MVB12B: variants seen among roughly 807,000 people sequenced by gnomAD.
MVB12B encodes the protein multivesicular body subunit 12B, also known as ESCRT-I complex subunit MVB12B.
Under a neutral mutation model 41.6 loss-of-function variants are expected in MVB12B, and 16 were observed. The observed-to-expected ratio is 0.38, with a 90% CI of 0.26 to 0.58. The LOEUF (loss-of-function observed/expected upper bound fraction) is 0.58. Ranked by LOEUF, MVB12B falls within the 20% of genes least tolerant of loss-of-function variation. The pLI, the probability that MVB12B is intolerant of heterozygous loss-of-function variation, is 0.62. For missense variants in MVB12B, 274 were observed against 380.2 expected, an observed-to-expected ratio of 0.72 and a Z score of 2.32; for synonymous variants, 133 against 139.7, an observed-to-expected ratio of 0.95 and a Z score of 0.34.
intron 7 of MVB12B, among the ~76,000 whole-genome samples, chr9:126,440,812 A>G (rs1396704653): frequency 6.6e-6 from 1 of 152,258 alleles, no homozygotes; most frequent in African/African-American, 2.4e-5. Context: ...TCTTTTCATA[A>G]TTGGACATTT....
intron 4 of MVB12B, among the ~76,000 whole-genome samples, chr9:126,388,732 G>A (rs1830867807): frequency 6.6e-6 from 1 of 152,126 alleles, no homozygotes; most frequent in Non-Finnish European, 1.5e-5. Flanking sequence ...ATCTTAGTGG[G>A]TGTGAAATGG....
chr9:126,387,772 A>C (rs1830838934), intron 4 of MVB12B, among the ~76,000 whole-genome samples: 1 of 152,240 alleles, frequency 6.6e-6, no homozygotes, highest in Admixed American at 6.5e-5. Flanking sequence ...TTTAATCTTC[A>C]GAAGACCCCT....
chr9:126,458,346 G>A (rs1171108694), intron 7 of MVB12B, among the ~76,000 whole-genome samples: 1 of 152,206 alleles, frequency 6.6e-6, no homozygotes, highest in East Asian at 1.9e-4. Flanking sequence ...ACACGTTTGT[G>A]TGTGTCTGAG....
chr9:126,404,003 G>A (rs1007274284), intron 6 of MVB12B, among the ~76,000 whole-genome samples: 3 of 144,052 alleles, frequency 2.1e-5, no homozygotes, highest in African/African-American at 7.7e-5. Context: ...GCCCAGGCTG[G>A]AGTGCAGTGC....
At chr9:126,460,851 GAAT>G (rs1445654964) in intron 7 of MVB12B, among the ~76,000 whole-genome samples, 1 of 152,054 alleles carries the variant, frequency 6.6e-6, no homozygotes, top group African/African-American at 2.4e-5. Flanking sequence ...TGTAAAATAG[GAAT>G]AATAATAATA....
intron 7 of MVB12B, chr9:126,481,154 G>C: frequency 1.7e-6 from 1 of 586,434 alleles, no homozygotes. Context: ...GTGCTCAGGG[G>C]ATGACGAGGC....
chr9:126,411,200 G>A (rs976537851), intron 6 of MVB12B, among the ~76,000 whole-genome samples: 5 of 152,104 alleles, frequency 3.3e-5, no homozygotes, highest in East Asian at 1.9e-4. Flanking sequence ...TCTTTTTCAT[G>A]CCACTGTTTT....
At chr9:126,416,279 C>T (rs1159163297) in intron 6 of MVB12B, among the ~76,000 whole-genome samples, 2 of 152,198 alleles carry the variant, frequency 1.3e-5, no homozygotes, top group Non-Finnish European at 2.9e-5. Context: ...TGCTGTCAAC[C>T]CTGCCTGCAT....
intron 7 of MVB12B, among the ~76,000 whole-genome samples, chr9:126,479,238 G>A (rs1537990): frequency 5.3e-4 from 81 of 152,268 alleles, no homozygotes; most frequent in African/African-American, 1.8e-3. Context: ...CAGAGCCTCT[G>A]CTTCCCAATC....
chr9:126,349,524 C>T (rs1056689426), intron 2 of MVB12B, among the ~76,000 whole-genome samples: 1 of 152,258 alleles, frequency 6.6e-6, no homozygotes, highest in Admixed American at 6.5e-5. Context: ...TCTCCTTAAC[C>T]CTTGATAGCC....
At chr9:126,446,563 G>A (rs1338140621) in intron 7 of MVB12B, among the ~76,000 whole-genome samples, 1 of 150,744 alleles carries the variant, frequency 6.6e-6, no homozygotes, top group African/African-American at 2.4e-5. Flanking sequence ...GGAAGCTAGG[G>A]GCATTTTGAG....
rs1834039162 is a variant in MVB12B, at chr9:126,505,055, G to A, written c.*1792G>A. On this transcript the variant is annotated 3_prime_UTR_variant, in exon 10 of 10. Transcript: ENST00000361171. ...CAGCAAGGGTGACTCCTGGCAGGTG[G>A]GGGCAGCAGGAGGGCAGAGGGCAGA... 1 of 152,340 alleles carries A rather than the reference G, an allele frequency of 6.6e-6. No homozygotes were observed. The highest frequency in any genetic ancestry group is 1.5e-5 in the Non-Finnish European group (1 of 68,098). The allele number at this position is 152,340 out of a possible 1,614,324, so 9.4% of individuals were successfully genotyped here. A position where few individuals can be genotyped will look rare whatever the true frequency, so the allele number is the denominator to read the frequency against.
rs574075221 is a variant in MVB12B, at chr9:126,487,699, G to A, written c.873+3667G>A. Among the ~76,000 whole-genome samples, 3 of 151,746 alleles carry A rather than the reference G, an allele frequency of 2.0e-5. No homozygotes were observed. The East Asian group carries it at 5.8e-4, about 29-fold the overall frequency. On this transcript the variant is annotated intron_variant, in intron 9 of 9. Coordinates refer to ENST00000361171, the MANE Select transcript of MVB12B (RefSeq NM_033446.3). ...TAGAAATCACTTGAGCCCAGGAGAC[G>A]GAGGTTGCAGTGAGCCGAGATTGCA... is the stretch of plus-strand genomic sequence containing the variant.
chr9:126,392,873 C>T lies in MVB12B; in HGVS notation c.539+678C>T, dbSNP rs1830999154. Among the ~76,000 whole-genome samples the T allele has an allele frequency of 6.6e-6, 1 of 152,182 alleles. No individual in the cohort carries two copies. Among genetic ancestry groups the T allele is most frequent in the African/African-American group, 2.4e-5 (1 of 41,452 alleles). Reference sequence around the variant, plus strand: ...CACAGCCCTGTGCAGCTGGAAGAGCCAGGGACAATGTTGGGACAAGGGCGA... The same window carrying T: ...CACAGCCCTGTGCAGCTGGAAGAGCTAGGGACAATGTTGGGACAAGGGCGA... On this transcript the variant is annotated intron_variant, in intron 5 of 9. Transcript: ENST00000361171. The surrounding 1 kb of genome is among the most constrained non-coding windows in gnomAD (Gnocchi z 4.8).
At chr9:126,335,491 C>T in intron 1 of MVB12B, 1 of 993,058 alleles carries the variant, frequency 1.0e-6, no homozygotes. Context: ...CAGGTTCCCT[C>T]CTTGGGGACA....
At chr9:126,345,348 A>G in intron 2 of MVB12B, among the ~76,000 whole-genome samples, 1 of 152,240 alleles carries the variant, frequency 6.6e-6, no homozygotes, top group East Asian at 1.9e-4. Flanking sequence ...TCTTCTGGAG[A>G]AATCCCACCC....
chr9:126,411,831 A>G (rs1241292379), intron 6 of MVB12B, among the ~76,000 whole-genome samples: 2 of 152,246 alleles, frequency 1.3e-5, no homozygotes, highest in Non-Finnish European at 2.9e-5. Flanking sequence ...AAGAATTACA[A>G]TATCTCCTCA....
At position 126,392,472 on chromosome 9, in the gene MVB12B, C is replaced by G. The variant is rs1342219481; in HGVS notation, c.539+277C>G. Among the ~76,000 whole-genome samples, 2 of 152,228 alleles carry G rather than the reference C, an allele frequency of 1.3e-5. No individual in the cohort carries two copies. The highest frequency in any genetic ancestry group is 2.9e-5 in the Non-Finnish European group (2 of 68,044). ...GGTCCTTCCCCGACACCCTGTGATG[C>G]CACTGGCCTCAGCTCTTCACACTCG... On this transcript the variant is annotated intron_variant, in intron 5 of 9. Transcript: ENST00000361171. The surrounding 1 kb of genome is among the most constrained non-coding windows in gnomAD (Gnocchi z 4.8).
At chr9:126,384,445 TATTA>T (rs768301595) in intron 3 of MVB12B, among the ~76,000 whole-genome samples, 1 of 152,254 alleles carries the variant, frequency 6.6e-6, no homozygotes, top group Non-Finnish European at 1.5e-5. Flanking sequence ...TCATAATATT[TATTA>T]GTGTATATCA....
Sources: allele counts gnomAD v4.1 joint callset (sites outside exome capture counted in the v4.1 genomes callset), GRCh38; gene constraint gnomAD v4.1.1; non-coding constraint Gnocchi (gnomAD v3.1); transcripts MANE v1.5; gene names NCBI Gene and HGNC (gene_info 2026-07-23, HGNC 2026-07-21).